RSF1: variants seen among roughly 807,000 people sequenced by gnomAD.
RSF1 encodes the protein remodeling and spacing factor 1.
RSF1 carries 13 observed loss-of-function variants against 145.2 expected under a neutral mutation model. The ratio of observed to expected loss-of-function variants is 0.09; its 90% CI spans 0.06 to 0.14. The LOEUF (loss-of-function observed/expected upper bound fraction) is 0.14. Among genes scored for constraint, RSF1 ranks in the 10% least tolerant of loss-of-function variants. The pLI is 1.00. For synonymous variants in RSF1, 577 were observed against 592.6 expected, an observed-to-expected ratio of 0.97 and a Z score of 0.38; for missense variants, 1,517 against 1,718.2, an observed-to-expected ratio of 0.88 and a Z score of 2.07.
chr11:77,758,721 T>C (rs1421595818), intron 2 of RSF1, among the ~76,000 whole-genome samples: 1 of 152,242 alleles, frequency 6.6e-6, no homozygotes, highest in African/African-American at 2.4e-5. Flanking sequence ...CATATGCTTT[T>C]TGATCTTTGT....
At chr11:77,788,643 AG>A (rs1948485945) in intron 1 of RSF1, among the ~76,000 whole-genome samples, 1 of 152,188 alleles carries the variant, frequency 6.6e-6, no homozygotes, top group South Asian at 2.1e-4. Flanking sequence ...CATCTAAAGC[AG>A]TATTTGTAGA....
At chr11:77,789,991 A>G (rs1366181150) in intron 1 of RSF1, among the ~76,000 whole-genome samples, 1 of 152,142 alleles carries the variant, frequency 6.6e-6, no homozygotes, top group Non-Finnish European at 1.5e-5. Flanking sequence ...GCCACCGCCA[A>G]CACCAGTACA....
intron 1 of RSF1, among the ~76,000 whole-genome samples, chr11:77,782,456 G>A (rs190429413): frequency 3.3e-5 from 5 of 151,966 alleles, no homozygotes; most frequent in African/African-American, 9.6e-5. Flanking sequence ...CAGGAGAATC[G>A]CATAAATCCA....
At chr11:77,842,402 G>C in the RSF1 span, 4 of 1,344,942 alleles carry the variant, frequency 3.0e-6, no homozygotes, top group African/African-American at 5.9e-5. Context: ...GAGAATCAGG[G>C]CTTAGTATCA....
intron 4 of RSF1, chr11:77,735,127 G>A (rs990592391): frequency 1.1e-5 from 8 of 739,596 alleles, no homozygotes; most frequent in Non-Finnish European, 1.7e-5. Flanking sequence ...GAAGAGGTGA[G>A]GGAGGGCTGG....
the RSF1 span, among the ~76,000 whole-genome samples, chr11:77,863,137 A>G: frequency 6.6e-6 from 1 of 152,156 alleles, no homozygotes; most frequent in South Asian, 2.1e-4. Flanking sequence ...TTATAGCCCT[A>G]TCAGAAGCCG....
chr11:77,699,858 A>G lies in RSF1; in HGVS notation c.2508+863T>C, dbSNP rs77442788. On this transcript the variant is annotated intron_variant, in intron 6 of 15. Coordinates refer to ENST00000308488, the MANE Select transcript of RSF1 (RefSeq NM_016578.4). ...GAAACAACCTAAATGTCAATCAGTA[A>G]GTGAGTGGTTAAATAAACTGAGGTA... Among the ~76,000 whole-genome samples the G allele has an allele frequency of 1.4e-3, 216 of 152,288 alleles. 3 individuals are homozygous for G. The South Asian group carries it at 0.033, about 24-fold the overall frequency.
chr11:77,851,378 A>G, the RSF1 span: 2 of 152,222 alleles, frequency 1.3e-5, no homozygotes, highest in African/African-American at 4.8e-5. Flanking sequence ...CTTCTGCTCA[A>G]GACAGTTCTT....
intron 7 of RSF1, among the ~76,000 whole-genome samples, chr11:77,697,534 A>G (rs1042556683): frequency 9.9e-6 from 1 of 100,982 alleles, no homozygotes; most frequent in South Asian, 2.7e-4. Flanking sequence ...ATAATATATA[A>G]TATATATATT....
the RSF1 span, among the ~76,000 whole-genome samples, chr11:77,841,919 A>T: frequency 6.6e-6 from 1 of 152,188 alleles, no homozygotes; most frequent in Admixed American, 6.5e-5. Context: ...TCCTTTGGCC[A>T]TGGCGGCAAG....
chr11:77,690,211 C>T lies in RSF1; in HGVS notation c.2900+948G>A, dbSNP rs566695615. On this transcript the variant is annotated intron_variant, in intron 9 of 15. Coordinates refer to ENST00000308488, the MANE Select transcript of RSF1 (RefSeq NM_016578.4). ...AACCTTCTCCAACTGCTTAAGACCA[C>T]CACTGCAATGCTATATTGAAAAGAG... Among the ~76,000 whole-genome samples, 11 of 151,356 alleles carry T rather than the reference C, an allele frequency of 7.3e-5. 1 individual carries two copies. The South Asian group carries it at 1.9e-3, about 26-fold the overall frequency.
At chr11:77,821,017 AGGGAAGCGGGGCG>A, upstream of RSF1, 1 of 369,516 alleles carries the variant, frequency 2.7e-6, no homozygotes, top group Non-Finnish European at 4.9e-6. Context: ...AATGAAAACA[AGGGAAGCGGGGCG>A]GGGAGGCGGG....
At chr11:77,746,338 A>G (rs769664321) in intron 3 of RSF1, among the ~76,000 whole-genome samples, 2 of 152,122 alleles carry the variant, frequency 1.3e-5, no homozygotes, top group African/African-American at 4.8e-5. Context: ...TAACAGCAAA[A>G]TAACACCTAC....
chr11:77,696,104 T>C (rs1332388035), intron 7 of RSF1, among the ~76,000 whole-genome samples: 1 of 152,332 alleles, frequency 6.6e-6, no homozygotes, highest in South Asian at 2.1e-4. Flanking sequence ...TTGGCACATG[T>C]GGACTAACCT....
At chr11:77,678,448 C>T (rs1411737484) in intron 11 of RSF1, among the ~76,000 whole-genome samples, 1 of 152,090 alleles carries the variant, frequency 6.6e-6, no homozygotes, top group African/African-American at 2.4e-5. Context: ...ATCTCGACCT[C>T]GTGATCTGCC....
intron 4 of RSF1, among the ~76,000 whole-genome samples, chr11:77,738,515 T>C (rs1961422888): frequency 6.6e-6 from 1 of 152,200 alleles, no homozygotes; most frequent in South Asian, 2.1e-4. Context: ...ACACATTTTG[T>C]TATCCATGAG....
intron 11 of RSF1, among the ~76,000 whole-genome samples, chr11:77,681,417 C>A (rs1423412736): frequency 6.6e-6 from 1 of 152,150 alleles, no homozygotes; most frequent in African/African-American, 2.4e-5. Flanking sequence ...TTCCTTCCCT[C>A]CTTCCTTACT....
At chr11:77,710,468 T>C (rs1388046149) in intron 5 of RSF1, among the ~76,000 whole-genome samples, 1 of 152,202 alleles carries the variant, frequency 6.6e-6, no homozygotes, top group African/African-American at 2.4e-5. Context: ...CTTATTTTTC[T>C]TGCAATTTAT....
At chr11:77,837,411 C>G in the RSF1 span, among the ~76,000 whole-genome samples, 159 of 150,246 alleles carry the variant, frequency 1.1e-3, 1 homozygote, top group African/African-American at 3.8e-3. Context: ...GCTGGCATCA[C>G]AGATGTAAGC....
Sources: allele counts gnomAD v4.1 joint callset (sites outside exome capture counted in the v4.1 genomes callset), GRCh38; gene constraint gnomAD v4.1.1; transcripts MANE v1.5; gene names NCBI Gene and HGNC (gene_info 2026-07-23, HGNC 2026-07-21).